The following PRR16 variants were observed in gnomAD, a reference collection of about 807,000 sequenced individuals.
PRR16 encodes proline rich 16, also known as protein Largen.
In PRR16, 6 loss-of-function variants were observed where a neutral mutation model predicts 18.2. The observed-to-expected ratio is 0.33, with a 90% CI of 0.18 to 0.65. The LOEUF is 0.65. PRR16 is among the 30% of genes least tolerant of loss of function. The pLI is 0.74. For missense variants in PRR16, 412 were observed against 376.6 expected, an observed-to-expected ratio of 1.09 and a Z score of -0.78; for synonymous variants, 151 against 147.8, an observed-to-expected ratio of 1.02 and a Z score of -0.16.
chr5:120,661,992 T>C (rs539205104), intron 1 of PRR16, among the ~76,000 whole-genome samples: 43 of 152,190 alleles, frequency 2.8e-4, no homozygotes, highest in African/African-American at 1.0e-3. Flanking sequence ...CATATGTACA[T>C]ATGAGGTTCC....
intron 1 of PRR16, among the ~76,000 whole-genome samples, chr5:120,557,422 T>G (rs1752449913): frequency 2.0e-5 from 3 of 151,986 alleles, no homozygotes; most frequent in African/African-American, 7.2e-5. Flanking sequence ...TATTTTCTTC[T>G]ACTTACATGA....
chr5:120,585,389 C>A (rs1203434266), intron 1 of PRR16, among the ~76,000 whole-genome samples: 2 of 152,046 alleles, frequency 1.3e-5, no homozygotes, highest in African/African-American at 4.8e-5. Flanking sequence ...ATGGGCAGGT[C>A]ACTTGAGGTC....
At chr5:120,623,701 C>G (rs1054956668) in intron 1 of PRR16, among the ~76,000 whole-genome samples, 1 of 152,082 alleles carries the variant, frequency 6.6e-6, no homozygotes, top group East Asian at 1.9e-4. Context: ...AAAGTAATTG[C>G]ATTAATTTGC....
intron 1 of PRR16, among the ~76,000 whole-genome samples, chr5:120,534,239 T>C (rs1034418259): frequency 3.9e-5 from 6 of 152,160 alleles, no homozygotes; most frequent in African/African-American, 1.4e-4. Context: ...CTAAGAGAGA[T>C]AGAGCAGAGG....
intron 1 of PRR16, among the ~76,000 whole-genome samples, chr5:120,665,865 G>A (rs1307383205): frequency 1.3e-5 from 2 of 152,146 alleles, no homozygotes; most frequent in South Asian, 4.1e-4. Flanking sequence ...CTGTAGCCTT[G>A]TAGTATAGTT....
At chr5:120,735,127 T>C in the PRR16 span, among the ~76,000 whole-genome samples, 18 of 152,344 alleles carry the variant, frequency 1.2e-4, no homozygotes, top group South Asian at 3.3e-3. Context: ...TCTTTTGTGA[T>C]TGGCTTATTT....
At chr5:120,678,241 A>T (rs1403124903) in intron 1 of PRR16, among the ~76,000 whole-genome samples, 1 of 152,110 alleles carries the variant, frequency 6.6e-6, no homozygotes, top group African/African-American at 2.4e-5. Flanking sequence ...GTTAGGCAAA[A>T]TAGGAAGAGA....
At chr5:120,696,038 C>T in the PRR16 span, among the ~76,000 whole-genome samples, 96 of 151,812 alleles carry the variant, frequency 6.3e-4, no homozygotes, top group African/African-American at 2.3e-3. Context: ...GTCAGGAGCT[C>T]GAGACCAGCC....
At chr5:120,561,036 A>G (rs1022248991) in intron 1 of PRR16, among the ~76,000 whole-genome samples, 4 of 151,814 alleles carry the variant, frequency 2.6e-5, no homozygotes, top group African/African-American at 9.7e-5. Flanking sequence ...GTCTGGCTAA[A>G]GGTTTGTAAA....
intron 1 of PRR16, among the ~76,000 whole-genome samples, chr5:120,672,666 A>G (rs549537734): frequency 2.6e-5 from 4 of 152,198 alleles, no homozygotes; most frequent in Admixed American, 6.5e-5. Flanking sequence ...TCTTATTCTT[A>G]TTACATTACT....
chr5:120,715,383 GA>G, the PRR16 span, among the ~76,000 whole-genome samples: 1 of 152,150 alleles, frequency 6.6e-6, no homozygotes, highest in Non-Finnish European at 1.5e-5. Context: ...ACTACTCAAT[GA>G]AAACTATATA....
At chr5:120,709,192 A>C in the PRR16 span, among the ~76,000 whole-genome samples, 1 of 151,576 alleles carries the variant, frequency 6.6e-6, no homozygotes. Context: ...TATTTTTAGT[A>C]GAGACGGGGT....
At chr5:120,734,483 A>G in the PRR16 span, among the ~76,000 whole-genome samples, 3 of 152,176 alleles carry the variant, frequency 2.0e-5, no homozygotes, top group Non-Finnish European at 4.4e-5. Context: ...AATGTTATTT[A>G]GTTTTTATTT....
At chr5:120,764,439 G>T in the PRR16 span, among the ~76,000 whole-genome samples, 2 of 151,266 alleles carry the variant, frequency 1.3e-5, no homozygotes, top group African/African-American at 4.9e-5. Flanking sequence ...TTTTTTTAAT[G>T]TGCTCTTGGG....
chr5:120,631,548 G>T (rs1056168624), intron 1 of PRR16, among the ~76,000 whole-genome samples: 2 of 152,104 alleles, frequency 1.3e-5, no homozygotes, highest in Non-Finnish European at 2.9e-5. Flanking sequence ...GGATGAGGCT[G>T]GTGACTGCTG....
At chr5:120,664,399 A>G (rs1756287499) in intron 1 of PRR16, among the ~76,000 whole-genome samples, 1 of 152,014 alleles carries the variant, frequency 6.6e-6, no homozygotes, top group South Asian at 2.1e-4. Context: ...GCATGGCCAT[A>G]TGAGCAGATC....
the PRR16 span, among the ~76,000 whole-genome samples, chr5:120,725,299 G>A: frequency 1.0e-5 from 1 of 100,186 alleles, no homozygotes; most frequent in Non-Finnish European, 2.1e-5. Flanking sequence ...TAAATTTGAT[G>A]TTGTTTTTTT....
chr5:120,686,540 C>G lies in PRR16; in HGVS notation c.746C>G (p.Pro249Arg). ...CCGGGAAAGATTCCTCACCAAGGCC[C>G]TCCCCTCCCTCCTACACCCCATCTC... The part of the protein sequence containing the change: ...HPPGKIPHQG[P>R]PLPPTPHLPP... Residue 249 changes from proline to arginine, a missense_variant, in exon 2 of 2, where the codon CCT becomes CGT. Transcript: ENST00000407149. The G allele has an allele frequency of 6.2e-7, 1 of 1,613,704 alleles. No homozygotes were observed. Among genetic ancestry groups the G allele is most frequent in the Non-Finnish European group, 8.5e-7 (1 of 1,179,852 alleles).
chr5:120,682,432 T>G (rs1015552709), intron 1 of PRR16, among the ~76,000 whole-genome samples: 4 of 152,194 alleles, frequency 2.6e-5, no homozygotes, highest in Admixed American at 1.3e-4. Context: ...TGTTTGTTTT[T>G]TATTCTCTTG....
Sources: gnomAD v4.1 joint callset for allele counts (sites outside exome capture counted in the v4.1 genomes callset) on GRCh38, gnomAD v4.1.1 for gene constraint, MANE v1.5 for transcripts, NCBI Gene and HGNC (gene_info 2026-07-23, HGNC 2026-07-21) for gene names.